The following SIPA1L3 variants were observed in gnomAD, a reference collection of about 807,000 sequenced individuals.
SIPA1L3 encodes signal-induced proliferation-associated 1-like protein 3.
A neutral mutation model predicts 150.1 loss-of-function variants in SIPA1L3; 59 were observed. That is an observed-to-expected ratio of 0.39 (90% CI 0.32 to 0.49). The LOEUF (loss-of-function observed/expected upper bound fraction) is 0.49, where lower values mean the gene tolerates loss of function less well. Among genes scored for constraint, SIPA1L3 ranks in the 20% least tolerant of loss-of-function variants. The pLI, the probability that SIPA1L3 is intolerant of heterozygous loss-of-function variation, is 0.86. For missense variants in SIPA1L3, 2,211 were observed against 2,489.5 expected (o/e 0.89, Z 2.38); for synonymous variants, 1,070 against 1,077.6 (o/e 0.99, Z 0.14).
intron 1 of SIPA1L3, among the ~76,000 whole-genome samples, chr19:37,936,695 T>G (rs1435513679): frequency 1.3e-5 from 2 of 152,190 alleles, no homozygotes; most frequent in African/African-American, 4.8e-5. Context: ...CTTGCCATAT[T>G]TCCTCTGACA....
intron 18 of SIPA1L3, 23 bp downstream of exon 18, chr19:38,193,803 T>A (rs1972860203): frequency 6.5e-7 from 1 of 1,542,230 alleles, no homozygotes; most frequent in Admixed American, 1.9e-5. Flanking sequence ...CCCCTGGGAC[T>A]GGCGCGGTAG....
intron 2 of SIPA1L3, among the ~76,000 whole-genome samples, chr19:38,075,182 C>T (rs930803433): frequency 2.6e-5 from 4 of 152,160 alleles, no homozygotes; most frequent in African/African-American, 9.7e-5. Context: ...ATTTACTGGG[C>T]GTGGTGGCTC....
intron 2 of SIPA1L3, among the ~76,000 whole-genome samples, chr19:38,067,800 GGCTCTTTGACGT>G (rs1163885617): frequency 6.6e-6 from 1 of 151,884 alleles, no homozygotes; most frequent in Admixed American, 6.6e-5. Flanking sequence ...TAGTCCTCTG[GGCTCTTTGACGT>G]TAAATGTGGA....
intron 1 of SIPA1L3, among the ~76,000 whole-genome samples, chr19:37,918,347 C>T (rs575214939): frequency 2.0e-5 from 3 of 151,764 alleles, no homozygotes; most frequent in Non-Finnish European, 4.4e-5. Context: ...ACAACCTCCA[C>T]CTCCTGTGTT....
chr19:38,207,555 C>T lies in SIPA1L3; in HGVS notation c.*1315C>T, dbSNP rs1289668333. ...AGGACCAAGGCGTGTCCCCTGTGGG[C>T]TGGGGGTCAGTGGGAGGACCAGAGG... On this transcript the variant is annotated 3_prime_UTR_variant, in exon 22 of 22. Transcript: ENST00000222345. The T allele has an allele frequency of 6.6e-6, 1 of 151,770 alleles. No homozygotes were observed. Among genetic ancestry groups the T allele is most frequent in the African/African-American group, 2.4e-5 (1 of 41,316 alleles). The allele number at this position is 151,770 out of a possible 1,614,324, so 9.4% of individuals were successfully genotyped here. A position where few individuals can be genotyped will look rare whatever the true frequency, so the allele number is the denominator to read the frequency against.
At chr19:38,035,747 T>C (rs1239841471) in intron 2 of SIPA1L3, among the ~76,000 whole-genome samples, 2 of 151,810 alleles carry the variant, frequency 1.3e-5, no homozygotes, top group Non-Finnish European at 2.9e-5. Flanking sequence ...ATGATGGTGG[T>C]GGCGGTGGTG....
chr19:37,990,085 C>T lies in SIPA1L3; in HGVS notation c.-378-39004C>T, dbSNP rs577509629. On this transcript the variant is annotated intron_variant, in intron 1 of 21. Coordinates refer to ENST00000222345, the MANE Select transcript of SIPA1L3 (RefSeq NM_015073.3). The stretch of plus-strand genomic sequence containing the variant: ...GGGGGAGGGGAGGCTCCTTCTCTGG[C>T]GTTTCCTCTGTGAAATTCTGGAGTG... 9.2e-5 allele frequency among the ~76,000 whole-genome samples: 14 copies of T among 152,192 alleles called. No individual in the cohort carries two copies. The East Asian group carries it at 2.7e-3, about 29-fold the overall frequency.
At chr19:38,021,726 A>T (rs1259697702) in intron 1 of SIPA1L3, among the ~76,000 whole-genome samples, 1 of 151,950 alleles carries the variant, frequency 6.6e-6, no homozygotes, top group African/African-American at 2.4e-5. Flanking sequence ...ATTTTTCTTT[A>T]ATAGAGATGG....
chr19:38,173,243 C>T (rs549962633), intron 15 of SIPA1L3, among the ~76,000 whole-genome samples: 13 of 152,370 alleles, frequency 8.5e-5, no homozygotes, highest in African/African-American at 7.2e-5. Flanking sequence ...GGTCCTGACA[C>T]GCCCAAGCGG....
At chr19:38,013,289 A>G (rs995511716) in intron 1 of SIPA1L3, among the ~76,000 whole-genome samples, 1 of 152,192 alleles carries the variant, frequency 6.6e-6, no homozygotes, top group Non-Finnish European at 1.5e-5. Context: ...ACCAGGTCCA[A>G]AAAGCAAAGA....
chr19:37,941,087 TACACACACACACACACAC>T (rs59368800), intron 1 of SIPA1L3, among the ~76,000 whole-genome samples: 1 of 128,570 alleles, frequency 7.8e-6, no homozygotes, highest in Non-Finnish European at 1.6e-5. Flanking sequence ...CACACACACA[TACACACACACACACACAC>T]ACACACACAC....
chr19:38,045,377 CA>C (rs139129515), intron 2 of SIPA1L3, among the ~76,000 whole-genome samples: 7,636 of 122,170 alleles, frequency 0.063, 257 homozygotes, highest in East Asian at 0.12. Flanking sequence ...GACTCTGTCT[CA>C]AAAAAAAAAA....
chr19:37,956,137 G>T (rs943841415), intron 1 of SIPA1L3, among the ~76,000 whole-genome samples: 1 of 152,246 alleles, frequency 6.6e-6, no homozygotes, highest in South Asian at 2.1e-4. Flanking sequence ...CCACAGGTGC[G>T]TGCCACCGCC....
chr19:38,193,242 G>A (rs2146046335), intron 17 of SIPA1L3, among the ~76,000 whole-genome samples: 1 of 152,020 alleles, frequency 6.6e-6, no homozygotes, highest in East Asian at 1.9e-4. Context: ...CTACCTACCT[G>A]GGAAGCTGAG....
chr19:38,083,188 C>T lies in SIPA1L3; in HGVS notation c.1534+89C>T, dbSNP rs895913759. 2.3e-6 allele frequency: 3 copies of T among 1,284,702 alleles called. No individual in the cohort carries two copies. In the Admixed American group the frequency reaches 6.0e-5, roughly 26 times the overall value. The allele number at this position is 1,284,702 out of a possible 1,614,324, so 79.6% of individuals were successfully genotyped here. On this transcript the variant is annotated intron_variant, in intron 3 of 21. Coordinates refer to ENST00000222345, the MANE Select transcript of SIPA1L3 (RefSeq NM_015073.3). ...ACTCATTCATTCACTCTGTGCCAGG[C>T]CCTGCTCTGGCACTGAGGATGTGGC...
chr19:38,203,436 C>T (rs1217243981), intron 20 of SIPA1L3, among the ~76,000 whole-genome samples: 3 of 152,160 alleles, frequency 2.0e-5, no homozygotes, highest in Non-Finnish European at 4.4e-5. Flanking sequence ...CTCCTTCAGC[C>T]CCAACTCCAA....
At chr19:37,966,790 T>C (rs1272467990) in intron 1 of SIPA1L3, among the ~76,000 whole-genome samples, 1 of 152,138 alleles carries the variant, frequency 6.6e-6, no homozygotes, top group Admixed American at 6.5e-5. Context: ...GAAAGGCAGA[T>C]GTCAGTCTGG....
chr19:38,198,754 C>T (rs946754683), intron 19 of SIPA1L3, among the ~76,000 whole-genome samples: 1 of 152,192 alleles, frequency 6.6e-6, no homozygotes, highest in Non-Finnish European at 1.5e-5. Flanking sequence ...CGGAAGTGAC[C>T]ATGCCTGAGG....
intron 1 of SIPA1L3, among the ~76,000 whole-genome samples, chr19:37,982,754 T>C (rs988171603): frequency 6.6e-6 from 1 of 152,166 alleles, no homozygotes; most frequent in African/African-American, 2.4e-5. Context: ...CTCTCCCAGT[T>C]AATGGTGCTT....
Sources: allele counts gnomAD v4.1 joint callset (sites outside exome capture counted in the v4.1 genomes callset), GRCh38; gene constraint gnomAD v4.1.1; transcripts MANE v1.5; gene names NCBI Gene and HGNC (gene_info 2026-07-23, HGNC 2026-07-21).